The following DHDH variants were observed in gnomAD, a reference collection of about 807,000 sequenced individuals.
The protein encoded by DHDH is dihydrodiol dehydrogenase.
DHDH carries 29 observed loss-of-function variants against 33.2 expected under a neutral mutation model. That is an observed-to-expected ratio of 0.87 (90% CI 0.65 to 1.19). The LOEUF is 1.19. Among genes scored for constraint, DHDH ranks in the 50% most tolerant of loss-of-function variants. The pLI is 0.00. For synonymous variants in DHDH, 201 were observed against 187.9 expected, an observed-to-expected ratio of 1.07 and a Z score of -0.57; for missense variants, 431 against 455.0, an observed-to-expected ratio of 0.95 and a Z score of 0.48.
chr19:48,939,748 C>T (rs779338703), intron 4 of DHDH, 47 bp downstream of exon 4: 4 of 1,541,286 alleles, frequency 2.6e-6, no homozygotes, highest in South Asian at 1.2e-5. Context: ...ATGATTCTGT[C>T]TCTCTGGGAG....
In DHDH at chr19:48,939,582, G is replaced by C; in HGVS notation, c.500G>C (p.Arg167Pro). The part of the protein sequence containing the change: ...NLIHVPRAVD[R>P]AQAGGALLDI... ...ATCCACGTTCCCCGGGCCGTAGACC[G>C]GGCCCAGGCTGGGGGGGCCCTGCTG... Residue 167 changes from arginine (R) to proline (P), a missense_variant, in exon 4 of 7, where the codon CGG (arginine) becomes CCG (proline). Arg to Pro is a moderately radical substitution (Grantham distance 103, BLOSUM62 -2). Coordinates refer to ENST00000221403, the MANE Select transcript of DHDH (RefSeq NM_014475.4). 6.2e-7 allele frequency: 1 copy of C among 1,608,518 alleles called. No homozygotes were observed.
chr19:48,939,168 G>A (rs576906174), intron 3 of DHDH, among the ~76,000 whole-genome samples: 9 of 152,052 alleles, frequency 5.9e-5, no homozygotes, highest in South Asian at 2.1e-4. Context: ...AATAGGGCAC[G>A]GTGGCTCATG....
intron 2 of DHDH, 135 bp from the exon 3 acceptor site, chr19:48,935,897 C>T: frequency 1.0e-6 from 1 of 993,832 alleles, no homozygotes; most frequent in Non-Finnish European, 1.4e-6. Context: ...TTCCTAAGGA[C>T]AGCTCCCTAA....
At position 48,933,734 on chromosome 19, in the gene DHDH, T is replaced by A. The variant is rs771151587; in HGVS notation, c.13T>A (p.Trp5Arg). Residue 5 changes from tryptophan (W) to arginine (R), a missense_variant, in exon 1 of 7, where the codon TGG becomes AGG. By Grantham distance (101) the Trp-to-Arg change is moderately radical (BLOSUM62 -3). Coordinates refer to ENST00000221403, the MANE Select transcript of DHDH (RefSeq NM_014475.4). ...CCGCATCGCAACCATGGCGCTGCGC[T>A]GGGGCATCGTGTCTGTCGGCCTCAT... MALR[W>R]GIVSVGLISS... is the part of the protein sequence containing the mutation. The A allele has an allele frequency of 6.2e-7, 1 of 1,613,378 alleles. No homozygotes were observed. The highest frequency in any genetic ancestry group is 1.1e-5 in the South Asian group (1 of 91,084).
chr19:48,933,627 G>A, upstream of DHDH: 2 of 1,166,258 alleles, frequency 1.7e-6, no homozygotes, highest in Non-Finnish European at 2.5e-6. Flanking sequence ...CAATACGGGC[G>A]GAGGATGGGG....
chr19:48,935,618 C>T (rs1469848739), intron 2 of DHDH, among the ~76,000 whole-genome samples: 1 of 151,780 alleles, frequency 6.6e-6, no homozygotes, highest in East Asian at 1.9e-4. Context: ...GAGATGGAGA[C>T]CATCCTGGCT....
Position 48,935,000 on chromosome 19 carries a change from G to A in DHDH, c.91G>A (p.Val31Met). The A allele has an allele frequency of 1.3e-6, 2 of 1,555,358 alleles. No individual in the cohort carries two copies. Among genetic ancestry groups the A allele is most frequent in the Middle Eastern group, 1.7e-4 (1 of 5,956 alleles). ...LQTLPRSEHQ[V>M]VAVAARDLSR... ...AAATCCGATTCTTGTGCCCCTCCAGGTGGTGGCGGTGGCGGCCCGCGATCT... is the reference window on the plus strand; with the variant it reads ...AAATCCGATTCTTGTGCCCCTCCAGATGGTGGCGGTGGCGGCCCGCGATCT... The change falls in exon 2 of 7, where the codon GTG becomes ATG. Residue 31 changes from valine to methionine, a missense_variant and splice_region_variant. Val to Met is a conservative substitution (Grantham distance 21, BLOSUM62 1). Transcript: ENST00000221403.
chr19:48,935,415 G>C (rs2037757856), intron 2 of DHDH, among the ~76,000 whole-genome samples: 1 of 152,212 alleles, frequency 6.6e-6, no homozygotes, highest in Admixed American at 6.5e-5. Context: ...CAGCTACTGG[G>C]GAGGCTGAGG....
chr19:48,939,462 G>T lies in DHDH; in HGVS notation c.380G>T (p.Arg127Leu). 1 of 1,612,484 alleles carries T rather than the reference G, an allele frequency of 6.2e-7. No individual in the cohort carries two copies. The highest frequency in any genetic ancestry group is 8.5e-7 in the Non-Finnish European group (1 of 1,178,744). ...ALFLMEAIWT[R>L]FFPASEALRS... ...TGTGGTCTGCAGGCCATCTGGACCCGCTTCTTTCCTGCCTCCGAGGCTCTG... is the reference window on the plus strand; with the variant it reads ...TGTGGTCTGCAGGCCATCTGGACCCTCTTCTTTCCTGCCTCCGAGGCTCTG... The change falls in exon 4 of 7, where the codon CGC becomes CTC. Residue 127 changes from arginine to leucine, a missense_variant. Transcript: ENST00000221403.
chr19:48,942,284 G>A (rs916339938), intron 4 of DHDH, among the ~76,000 whole-genome samples, 156 bp from the exon 5 acceptor site: 9 of 152,090 alleles, frequency 5.9e-5, no homozygotes, highest in Admixed American at 1.3e-4. Context: ...GATTACAGGC[G>A]TGAGCCACCG....
chr19:48,935,824 AAATT>A (rs1284452872), intron 2 of DHDH, among the ~76,000 whole-genome samples: 1 of 152,160 alleles, frequency 6.6e-6, no homozygotes, highest in East Asian at 1.9e-4. Context: ...TCCAAAAAAA[AAATT>A]AATTAATTAA....
In DHDH at chr19:48,936,022, C is replaced by T. The variant is rs1347453733; in HGVS notation, c.203-10C>T. 1 of 1,590,358 alleles carries T rather than the reference C, an allele frequency of 6.3e-7. No individual in the cohort carries two copies. The highest frequency in any genetic ancestry group is 1.8e-5 in the Admixed American group (1 of 55,960). Reference sequence around the variant, plus strand: ...GGGGCTGCTGACCTCTTGACCTACTCCCACCCTAGAGGTGGCCTACATTGG... The same window carrying T: ...GGGGCTGCTGACCTCTTGACCTACTTCCACCCTAGAGGTGGCCTACATTGG... On this transcript the variant is annotated splice_polypyrimidine_tract_variant and intron_variant, in intron 2 of 6. Transcript: ENST00000221403.
In DHDH at chr19:48,940,629, G is replaced by A. The variant is rs559428910; in HGVS notation, c.619+928G>A. On this transcript the variant is annotated intron_variant, in intron 4 of 6. Transcript: ENST00000221403. ...AGCACTTTGGGAGGCTGAGGTGCGC[G>A]GATCACTTGAGGCCAGGAGTTCAAG... is the stretch of plus-strand genomic sequence containing the variant. Among the ~76,000 whole-genome samples the A allele has an allele frequency of 3.0e-4, 45 of 151,716 alleles. 1 individual carries two copies. The highest frequency in any genetic ancestry group is 1.2e-3 in the Admixed American group (19 of 15,232).
At chr19:48,939,055 T>G (rs893874490) in intron 3 of DHDH, among the ~76,000 whole-genome samples, 1 of 152,078 alleles carries the variant, frequency 6.6e-6, no homozygotes, top group Non-Finnish European at 1.5e-5. Flanking sequence ...CTTCAACACG[T>G]GAATTGTGTT....
intron 1 of DHDH, among the ~76,000 whole-genome samples, chr19:48,934,048 G>A (rs2037739732): frequency 6.6e-6 from 1 of 152,210 alleles, no homozygotes. Context: ...ATTTTGAACT[G>A]TACTAAGAAA....
intron 4 of DHDH, among the ~76,000 whole-genome samples, chr19:48,941,985 C>CGT (rs60467743): frequency 0.078 from 10,265 of 132,058 alleles, 447 homozygotes; most frequent in African/African-American, 0.12. Flanking sequence ...GACTGTACTT[C>CGT]GTGTGTGTGT....
chr19:48,944,630 T>A, intron 6 of DHDH, 123 bp downstream of exon 6: 47 of 1,380,742 alleles, frequency 3.4e-5, no homozygotes, highest in Non-Finnish European at 4.4e-5. Context: ...GAGCCGAGAT[T>A]GCACCACTGC....
intron 3 of DHDH, among the ~76,000 whole-genome samples, chr19:48,938,186 GC>G (rs1271961648): frequency 6.6e-6 from 1 of 151,748 alleles, no homozygotes; most frequent in African/African-American, 2.4e-5. Context: ...AACCTCCGCT[GC>G]CCGGCTTTAA....
At chr19:48,933,243 G>A (rs1282227175), upstream of DHDH, among the ~76,000 whole-genome samples, 1 of 152,104 alleles carries the variant, frequency 6.6e-6, no homozygotes, top group African/African-American at 2.4e-5. Flanking sequence ...TGGTCTACAG[G>A]TGCTCTATAC....
Sources: gnomAD v4.1 joint callset for allele counts (sites outside exome capture counted in the v4.1 genomes callset) on GRCh38, gnomAD v4.1.1 for gene constraint, MANE v1.5 for transcripts, NCBI Gene and HGNC (gene_info 2026-07-23, HGNC 2026-07-21) for gene names.